The following LYG1 variants were observed in gnomAD, a reference collection of about 807,000 sequenced individuals.
LYG1 encodes the protein lysozyme g-like protein 1.
Under a neutral mutation model 21.7 loss-of-function variants are expected in LYG1, and 17 were observed. The observed-to-expected ratio is 0.78, with a 90% CI of 0.54 to 1.18. LYG1 has a LOEUF of 1.18. Among genes scored for constraint, LYG1 ranks in the 50% most tolerant of loss-of-function variants. The pLI, the probability that LYG1 is intolerant of heterozygous loss-of-function variation, is 0.00. For missense variants in LYG1, 211 were observed against 238.1 expected, an observed-to-expected ratio of 0.89 and a Z score of 0.75; for synonymous variants, 81 against 87.4, an observed-to-expected ratio of 0.93 and a Z score of 0.41.
intron 2 of LYG1, 89 bp from the exon 3 acceptor site, chr2:99,295,791 A>G: frequency 7.6e-7 from 1 of 1,312,698 alleles, no homozygotes; most frequent in Non-Finnish European, 1.1e-6. Context: ...AGGGGTGAAA[A>G]GAACAAATTT....
chr2:99,289,740 C>T (rs12990393), intron 5 of LYG1, among the ~76,000 whole-genome samples: 1 of 152,172 alleles, frequency 6.6e-6, no homozygotes, highest in Admixed American at 6.5e-5. Context: ...GTCTGAACGT[C>T]TAAAGGGACT....
At position 99,291,381 on chromosome 2, in the gene LYG1, T is replaced by C. The variant is rs781379627; in HGVS notation, c.189A>G (p.Pro63=). The C allele has an allele frequency of 1.2e-6, 2 of 1,614,194 alleles. No individual in the cohort carries two copies. The highest frequency in any genetic ancestry group is 1.7e-5 in the Admixed American group (1 of 60,026). The part of the protein sequence containing the change: ...ASERLAEIDM[P]YLLKYQPMMQ... ...TCATGGGTTGATATTTCAGGAGGTATGGCATGTCTATTTCAGCCAGCCTTT... is the reference window on the plus strand; with the variant it reads ...TCATGGGTTGATATTTCAGGAGGTACGGCATGTCTATTTCAGCCAGCCTTT... Residue 63 remains proline, a synonymous_variant, in exon 5 of 7, where the codon CCA becomes CCG. Transcript: ENST00000308528.
intron 3 of LYG1, among the ~76,000 whole-genome samples, chr2:99,294,902 G>A (rs2094132054): frequency 6.6e-6 from 1 of 152,134 alleles, no homozygotes; most frequent in Non-Finnish European, 1.5e-5. Flanking sequence ...AAGAGTTTGA[G>A]ACCAATCTGG....
chr2:99,298,822 C>T (rs1295865835), intron 1 of LYG1, among the ~76,000 whole-genome samples: 1 of 152,100 alleles, frequency 6.6e-6, no homozygotes, highest in East Asian at 1.9e-4. Flanking sequence ...GTGTTGTCAC[C>T]CTTGTTTATT....
chr2:99,291,239 G>A lies in LYG1; in HGVS notation c.331C>T (p.Gln111Ter). 6.2e-7 allele frequency: 1 copy of A among 1,613,846 alleles called. No homozygotes were observed. Among genetic ancestry groups the A allele is most frequent in the South Asian group, 1.1e-5 (1 of 90,992 alleles). The change falls in exon 5 of 7, where the codon CAG becomes TAG. Residue 111 changes from glutamine to a stop codon, truncating the protein, a stop_gained and splice_region_variant. Coordinates refer to ENST00000308528, the MANE Select transcript of LYG1 (RefSeq NM_174898.3). LOFTEE classifies it high-confidence loss of function. ...VNMGDRTSMV[Q>*]DPGSQAPTSW... ...TGTGTCAACGGATGAAGAGTTACCT[G>A]CACCATGCTAGTCCTATCGCCCATG...
Position 99,292,564 on chromosome 2 carries a change from A to G in LYG1, c.120T>C (p.Ile40=). 6.2e-7 allele frequency: 1 copy of G among 1,614,176 alleles called. No homozygotes were observed. The highest frequency in any genetic ancestry group is 8.5e-7 in the Non-Finnish European group (1 of 1,179,998). Residue 40 remains isoleucine, a synonymous_variant, in exon 4 of 7, where the codon ATT becomes ATC. Coordinates refer to ENST00000308528, the MANE Select transcript of LYG1 (RefSeq NM_174898.3). ...AGTAGTTCAGGCCGTGACGTCTTCC[A>G]ATCCCACAAGATGCTCCAGGGGTGT... ...SLDTPGASCG[I]GRRHGLNYCG...
At chr2:99,293,529 G>A (rs1024026204) in intron 3 of LYG1, among the ~76,000 whole-genome samples, 1 of 152,220 alleles carries the variant, frequency 6.6e-6, no homozygotes, top group African/African-American at 2.4e-5. Context: ...GAGTGAAGGA[G>A]AGAGGCATGG....
upstream of LYG1, among the ~76,000 whole-genome samples, chr2:99,304,426 T>C (rs148942448): frequency 8.4e-4 from 128 of 152,346 alleles, no homozygotes; most frequent in African/African-American, 2.9e-3. Context: ...GTTAAACCTC[T>C]TGCTTTTGTA....
chr2:99,286,166 G>C (rs945783196), intron 5 of LYG1, among the ~76,000 whole-genome samples: 2 of 152,082 alleles, frequency 1.3e-5, no homozygotes, highest in African/African-American at 2.4e-5. Flanking sequence ...CAGCAAGAAG[G>C]CTCTACCAGA....
chr2:99,287,631 C>G (rs1168903193), intron 5 of LYG1, among the ~76,000 whole-genome samples: 1 of 151,976 alleles, frequency 6.6e-6, no homozygotes, highest in Non-Finnish European at 1.5e-5. Context: ...TAGTGTTTCT[C>G]TATCATCCTG....
At position 99,284,429 on chromosome 2, in the gene LYG1, A is replaced by G. The variant is rs773567122; in HGVS notation, c.549T>C (p.Leu183=). The part of the protein sequence containing the change: ...DLSCDFCNDV[L]ARAKYLKRHG... ...GTCTCTTGAGGTACTTGGCTCGTGC[A>G]AGGACATCATTGCAGAAGTCACAGC... The change falls in exon 7 of 7, where the codon CTT becomes CTC. Residue 183 remains leucine, a synonymous_variant. Coordinates refer to ENST00000308528, the MANE Select transcript of LYG1 (RefSeq NM_174898.3). 6.2e-7 allele frequency: 1 copy of G among 1,614,196 alleles called. No homozygotes were observed. The highest frequency in any genetic ancestry group is 2.2e-5 in the East Asian group (1 of 44,892).
intron 2 of LYG1, among the ~76,000 whole-genome samples, chr2:99,295,981 A>G (rs1322209384): frequency 6.6e-6 from 1 of 152,054 alleles, no homozygotes; most frequent in African/African-American, 2.4e-5. Context: ...AGAAGGCAAG[A>G]CACTTTGAAT....
intron 5 of LYG1, among the ~76,000 whole-genome samples, chr2:99,287,553 T>A (rs1050001481): frequency 2.6e-5 from 4 of 152,162 alleles, no homozygotes; most frequent in Non-Finnish European, 5.9e-5. Context: ...TCTTTTTTTT[T>A]AATATTAGGT....
chr2:99,291,113 C>T, intron 5 of LYG1, 124 bp downstream of exon 5: 1 of 843,380 alleles, frequency 1.2e-6, no homozygotes, highest in Non-Finnish European at 1.8e-6. Flanking sequence ...GCAGAACTGT[C>T]ACTGTCACAG....
chr2:99,293,239 G>A (rs955806415), intron 3 of LYG1, among the ~76,000 whole-genome samples: 4 of 152,046 alleles, frequency 2.6e-5, no homozygotes, highest in African/African-American at 7.2e-5. Context: ...TGATCCGCCC[G>A]CCTCGGCCTC....
intron 3 of LYG1, 38 bp downstream of exon 3, chr2:99,295,590 C>T (rs2094133930): frequency 6.2e-7 from 1 of 1,611,966 alleles, no homozygotes; most frequent in Non-Finnish European, 8.5e-7. Context: ...TTATCCTTCC[C>T]ATCTCCAAAG....
At chr2:99,293,557 G>A (rs1330648714) in intron 3 of LYG1, among the ~76,000 whole-genome samples, 2 of 152,184 alleles carry the variant, frequency 1.3e-5, no homozygotes, top group African/African-American at 4.8e-5. Flanking sequence ...CTCCACATGG[G>A]ATCACCCACT....
rs577473961 is a variant in LYG1 at position 99,293,909 on chromosome 2, TTTAA to T, written c.44-1273_44-1270del. On this transcript the variant is annotated intron_variant, in intron 3 of 6. Transcript: ENST00000308528. ...GTAAGAATGTCTCATTAGATTACTCTTTAATTAATTAATTAATTAATTAATTTAT... is the reference window on the plus strand; with the variant it reads ...GTAAGAATGTCTCATTAGATTACTCTTTAATTAATTAATTAATTAATTTAT... Among the ~76,000 whole-genome samples the T allele has an allele frequency of 2.2e-3, 342 of 152,190 alleles. 2 individuals carry two copies. The highest frequency in any genetic ancestry group is 5.8e-3 in the Admixed American group (88 of 15,274).
chr2:99,296,139 C>T (rs1442238538), intron 2 of LYG1, among the ~76,000 whole-genome samples: 1 of 152,124 alleles, frequency 6.6e-6, no homozygotes, highest in Admixed American at 6.5e-5. Context: ...TAGGTCCCTT[C>T]TTCTTCAGGT....
Sources: allele counts gnomAD v4.1 joint callset (sites outside exome capture counted in the v4.1 genomes callset), GRCh38; gene constraint gnomAD v4.1.1; transcripts MANE v1.5; gene names NCBI Gene and HGNC (gene_info 2026-07-23, HGNC 2026-07-21).